Variants in SLC44A5 observed in about 807,000 individuals in gnomAD.
The protein encoded by SLC44A5 is solute carrier family 44 member 5, also known as choline transporter-like protein 5.
In SLC44A5, 57 loss-of-function variants were observed where a neutral mutation model predicts 101.8. The ratio of observed to expected loss-of-function variants is 0.56; its 90% CI spans 0.45 to 0.70. The LOEUF (loss-of-function observed/expected upper bound fraction) is 0.70, where lower values mean the gene tolerates loss of function less well. SLC44A5 is among the 30% of genes least tolerant of loss of function. The pLI, the probability that SLC44A5 is intolerant of heterozygous loss-of-function variation, is 0.00. For missense variants in SLC44A5, 737 were observed against 853.1 expected, an observed-to-expected ratio of 0.86 and a Z score of 1.70; for synonymous variants, 281 against 290.9, an observed-to-expected ratio of 0.97 and a Z score of 0.35.
chr1:75,563,342 A>AT (rs904875562), intron 1 of SLC44A5, among the ~76,000 whole-genome samples: 5 of 66,008 alleles, frequency 7.6e-5, no homozygotes, highest in Admixed American at 1.3e-4. Context: ...AAGGGTAGAT[A>AT]TTTTTTTTTC....
At chr1:75,432,017 G>T (rs1338645921) in intron 2 of SLC44A5, among the ~76,000 whole-genome samples, 1 of 152,080 alleles carries the variant, frequency 6.6e-6, no homozygotes, top group East Asian at 1.9e-4. Context: ...ATATGTGAAT[G>T]TCAAGCCAGT....
intron 3 of SLC44A5, among the ~76,000 whole-genome samples, chr1:75,353,533 T>C (rs1658841808): frequency 6.6e-6 from 1 of 152,226 alleles, no homozygotes; most frequent in Non-Finnish European, 1.5e-5. Context: ...ATTAAATATT[T>C]GCTATGAACA....
At chr1:75,650,482 T>G in the SLC44A5 span, among the ~76,000 whole-genome samples, 1 of 152,242 alleles carries the variant, frequency 6.6e-6, no homozygotes, top group Non-Finnish European at 1.5e-5. Context: ...TTCTATGCAT[T>G]TATCTAAGCT....
chr1:75,587,127 C>A (rs947142450), intron 1 of SLC44A5, among the ~76,000 whole-genome samples: 1 of 152,016 alleles, frequency 6.6e-6, no homozygotes, highest in African/African-American at 2.4e-5. Flanking sequence ...TGCTGCTAAA[C>A]ATCCTACAAT....
chr1:75,272,068 G>C (rs909247825), intron 6 of SLC44A5, among the ~76,000 whole-genome samples: 2 of 151,952 alleles, frequency 1.3e-5, no homozygotes, highest in African/African-American at 4.8e-5. Flanking sequence ...GATGATTAGT[G>C]TGTTGGGCAT....
intron 5 of SLC44A5, among the ~76,000 whole-genome samples, chr1:75,290,392 G>A (rs771860151): frequency 2.0e-5 from 3 of 152,292 alleles, no homozygotes; most frequent in Admixed American, 6.5e-5. Context: ...TATGAACAGC[G>A]TGAAGGGAAA....
At chr1:75,413,549 G>T (rs1277755586) in intron 2 of SLC44A5, among the ~76,000 whole-genome samples, 1 of 152,084 alleles carries the variant, frequency 6.6e-6, no homozygotes, top group Non-Finnish European at 1.5e-5. Flanking sequence ...ATTTATTTAT[G>T]ACTGTCTAGA....
At chr1:75,713,218 T>C in the SLC44A5 span, among the ~76,000 whole-genome samples, 1 of 152,208 alleles carries the variant, frequency 6.6e-6, no homozygotes, top group Non-Finnish European at 1.5e-5. Context: ...TGTATATTGA[T>C]ATAATAATTT....
At chr1:75,437,254 A>T (rs1314125335) in intron 2 of SLC44A5, among the ~76,000 whole-genome samples, 1 of 152,150 alleles carries the variant, frequency 6.6e-6, no homozygotes, top group Non-Finnish European at 1.5e-5. Flanking sequence ...TACAGCTGAC[A>T]GGGCAATCGT....
chr1:75,352,647 G>A (rs894216229), intron 3 of SLC44A5, among the ~76,000 whole-genome samples: 10 of 151,982 alleles, frequency 6.6e-5, no homozygotes, highest in African/African-American at 2.4e-4. Flanking sequence ...ATGATGTCTT[G>A]ACAAAGATAT....
At chr1:75,706,395 C>T in the SLC44A5 span, among the ~76,000 whole-genome samples, 3 of 152,006 alleles carry the variant, frequency 2.0e-5, no homozygotes, top group Non-Finnish European at 4.4e-5. Context: ...TCCATGTATA[C>T]TTCAATTTAA....
intron 1 of SLC44A5, among the ~76,000 whole-genome samples, chr1:75,563,388 G>T (rs1355562700): frequency 6.6e-6 from 1 of 151,796 alleles, no homozygotes. Context: ...ACAAGAAAGG[G>T]TCTTATTCAG....
intron 4 of SLC44A5, among the ~76,000 whole-genome samples, chr1:75,335,245 G>T: frequency 6.6e-6 from 1 of 152,128 alleles, no homozygotes; most frequent in South Asian, 2.1e-4. Context: ...TATTGATTCT[G>T]TCATGCCCTA....
chr1:75,676,213 C>A, the SLC44A5 span, among the ~76,000 whole-genome samples: 7 of 152,122 alleles, frequency 4.6e-5, no homozygotes, highest in Admixed American at 2.0e-4. Flanking sequence ...CCCAAAGGAA[C>A]AGAAATTTTT....
chr1:75,471,515 T>G (rs1394916753), intron 2 of SLC44A5, among the ~76,000 whole-genome samples: 1 of 152,060 alleles, frequency 6.6e-6, no homozygotes, highest in Admixed American at 6.5e-5. Context: ...GATCATAGCC[T>G]TTTATCTCAA....
intron 2 of SLC44A5, among the ~76,000 whole-genome samples, chr1:75,526,168 C>A (rs1379140009): frequency 6.6e-6 from 1 of 152,148 alleles, no homozygotes; most frequent in African/African-American, 2.4e-5. Context: ...GGTCTCGTCA[C>A]TTCCTGTGAT....
chr1:75,576,354 G>A (rs1285077728), intron 1 of SLC44A5, among the ~76,000 whole-genome samples: 4 of 148,878 alleles, frequency 2.7e-5, no homozygotes, highest in South Asian at 2.1e-4. Flanking sequence ...TTGCTCTTTT[G>A]CCCAGGCTGG....
intron 1 of SLC44A5, among the ~76,000 whole-genome samples, chr1:75,562,938 A>C (rs917723533): frequency 3.9e-5 from 6 of 152,116 alleles, no homozygotes; most frequent in African/African-American, 1.4e-4. Flanking sequence ...TTTTACAAAA[A>C]CACTTGTATA....
the SLC44A5 span, among the ~76,000 whole-genome samples, chr1:75,681,087 C>T: frequency 6.6e-6 from 1 of 151,646 alleles, no homozygotes; most frequent in East Asian, 1.9e-4. Flanking sequence ...CTGAATAGAC[C>T]AATAACAGGA....
Sources: gnomAD v4.1 joint callset for allele counts (sites outside exome capture counted in the v4.1 genomes callset) on GRCh38, gnomAD v4.1.1 for gene constraint, MANE v1.5 for transcripts, NCBI Gene and HGNC (gene_info 2026-07-23, HGNC 2026-07-21) for gene names.